PRR16: variants seen among roughly 807,000 people sequenced by gnomAD.
The protein encoded by PRR16 is proline rich 16.
In PRR16, 6 loss-of-function variants were observed where a neutral mutation model predicts 18.2. The observed-to-expected ratio is 0.33, with a 90% confidence interval of 0.18 to 0.65. PRR16 has a LOEUF of 0.65. Among genes scored for constraint, PRR16 ranks in the 30% least tolerant of loss-of-function variants. PRR16 has a pLI of 0.74. For synonymous variants in PRR16, 151 were observed against 147.8 expected (o/e 1.02, Z -0.16); for missense variants, 412 against 376.6 (o/e 1.09, Z -0.78).
the PRR16 span, among the ~76,000 whole-genome samples, chr5:120,760,956 G>T: frequency 3.3e-5 from 5 of 151,974 alleles, no homozygotes; most frequent in African/African-American, 1.2e-4. Flanking sequence ...CAAGTTGCTT[G>T]TCCTACAGTT....
At chr5:120,631,347 T>G (rs1313606365) in intron 1 of PRR16, among the ~76,000 whole-genome samples, 1 of 152,124 alleles carries the variant, frequency 6.6e-6, no homozygotes, top group African/African-American at 2.4e-5. Flanking sequence ...ACAGACCTTT[T>G]GAAGGACTGG....
chr5:120,629,087 T>C (rs1195590265), intron 1 of PRR16, among the ~76,000 whole-genome samples: 1 of 152,074 alleles, frequency 6.6e-6, no homozygotes, highest in Non-Finnish European at 1.5e-5. Flanking sequence ...CTTGTGTCCA[T>C]ATGTACTCAA....
At chr5:120,637,316 G>A (rs1448613857) in intron 1 of PRR16, among the ~76,000 whole-genome samples, 8 of 13,898 alleles carry the variant, frequency 5.8e-4, no homozygotes, top group Non-Finnish European at 1.3e-3. Context: ...GCCATTATAC[G>A]GAAAAAAAAA....
At chr5:120,714,233 AAATAT>A in the PRR16 span, among the ~76,000 whole-genome samples, 4 of 152,194 alleles carry the variant, frequency 2.6e-5, no homozygotes, top group Middle Eastern at 3.2e-3. Context: ...TATTAAAATC[AAATAT>A]AATAGAACAT....
chr5:120,788,217 C>T, the PRR16 span, among the ~76,000 whole-genome samples: 3 of 151,898 alleles, frequency 2.0e-5, no homozygotes, highest in Admixed American at 6.6e-5. Context: ...CCTTGGAGAG[C>T]AAGAAATAAG....
chr5:120,578,788 G>A (rs1040088727), intron 1 of PRR16, among the ~76,000 whole-genome samples: 2 of 149,662 alleles, frequency 1.3e-5, no homozygotes, highest in African/African-American at 5.1e-5. Context: ...GGGTGAAATG[G>A]TATGTCTGGT....
At chr5:120,573,985 AC>A (rs1752987218) in intron 1 of PRR16, among the ~76,000 whole-genome samples, 1 of 152,026 alleles carries the variant, frequency 6.6e-6, no homozygotes, top group Non-Finnish European at 1.5e-5. Flanking sequence ...GAACAGAAAA[AC>A]ATTACAGAGT....
the PRR16 span, among the ~76,000 whole-genome samples, chr5:120,729,976 G>A: frequency 6.6e-6 from 1 of 152,112 alleles, no homozygotes; most frequent in East Asian, 1.9e-4. Context: ...CCAAGGAAAT[G>A]GAGAGATAGC....
chr5:120,741,699 T>C, the PRR16 span, among the ~76,000 whole-genome samples: 6 of 152,100 alleles, frequency 3.9e-5, no homozygotes, highest in Non-Finnish European at 5.9e-5. Context: ...CCTCCCTGGT[T>C]CAAGCGATTC....
chr5:120,531,922 T>C (rs2112667703), intron 1 of PRR16, among the ~76,000 whole-genome samples: 1 of 152,316 alleles, frequency 6.6e-6, no homozygotes. Context: ...AATTAGCATG[T>C]AATGCATTGA....
At chr5:120,651,829 T>TATGA (rs1260925255) in intron 1 of PRR16, among the ~76,000 whole-genome samples, 1 of 152,092 alleles carries the variant, frequency 6.6e-6, no homozygotes, top group Non-Finnish European at 1.5e-5. Context: ...TTTGGTTCCA[T>TATGA]ATGAACTTTA....
At chr5:120,715,245 A>T in the PRR16 span, among the ~76,000 whole-genome samples, 1 of 152,174 alleles carries the variant, frequency 6.6e-6, no homozygotes, top group Non-Finnish European at 1.5e-5. Context: ...ACAGTATAAA[A>T]AATAAATTTT....
intron 1 of PRR16, among the ~76,000 whole-genome samples, chr5:120,507,169 G>C (rs754105168): frequency 3.9e-5 from 6 of 151,950 alleles, no homozygotes; most frequent in African/African-American, 4.8e-5. Flanking sequence ...AAACATAAGG[G>C]CACCATCCCT....
intron 1 of PRR16, among the ~76,000 whole-genome samples, chr5:120,480,088 T>G (rs763212197): frequency 1.3e-5 from 2 of 152,154 alleles, no homozygotes; most frequent in African/African-American, 2.4e-5. Context: ...GGCTGCATTG[T>G]ATGCCCTTGG....
chr5:120,661,309 C>G (rs1453159971), intron 1 of PRR16, among the ~76,000 whole-genome samples: 1 of 152,068 alleles, frequency 6.6e-6, no homozygotes, highest in African/African-American at 2.4e-5. Flanking sequence ...TGATGTTGCT[C>G]TGCTGGGAAA....
chr5:120,727,389 A>G, the PRR16 span, among the ~76,000 whole-genome samples: 1 of 152,042 alleles, frequency 6.6e-6, no homozygotes, highest in African/African-American at 2.4e-5. Flanking sequence ...TCACCTGCCT[A>G]ATCTGTATGT....
intron 1 of PRR16, among the ~76,000 whole-genome samples, chr5:120,651,756 G>A (rs1459093329): frequency 1.3e-5 from 2 of 152,174 alleles, no homozygotes; most frequent in Admixed American, 6.5e-5. Flanking sequence ...TTGAAGTCAG[G>A]TAGCATGATT....
intron 1 of PRR16, among the ~76,000 whole-genome samples, chr5:120,509,420 G>A (rs1750750352): frequency 6.6e-6 from 1 of 152,050 alleles, no homozygotes; most frequent in Non-Finnish European, 1.5e-5. Context: ...GAGATGGTTC[G>A]CTTGGGTATA....
chr5:120,656,373 A>G (rs1436143232), intron 1 of PRR16, among the ~76,000 whole-genome samples: 1 of 151,318 alleles, frequency 6.6e-6, no homozygotes, highest in Non-Finnish European at 1.5e-5. Context: ...AGTGGTAGCT[A>G]TCATGTGAAA....
Sources: allele counts gnomAD v4.1 joint callset (sites outside exome capture counted in the v4.1 genomes callset), GRCh38; gene constraint gnomAD v4.1.1; transcripts MANE v1.5; gene names NCBI Gene and HGNC (gene_info 2026-07-23, HGNC 2026-07-21).